CEP170: variants seen among roughly 807,000 people sequenced by gnomAD.
CEP170 encodes centrosomal protein of 170 kDa.
A neutral mutation model predicts 151.9 loss-of-function variants in CEP170; 21 were observed. The ratio of observed to expected loss-of-function variants is 0.14; its 90% CI spans 0.10 to 0.20. The LOEUF is 0.20. CEP170 is among the 10% of genes least tolerant of loss of function. CEP170 has a pLI of 1.00. For missense variants in CEP170, 964 were observed against 1,892.9 expected (o/e 0.51, Z 9.11); for synonymous variants, 356 against 648.8 (o/e 0.55, Z 6.86).
chr1:243,126,533 A>C lies in CEP170; in HGVS notation c.4671T>G (p.Asn1557Lys). ...TACTGAAATCAGCCTCAGATTCAGC[A>C]TTCTCAAATTCAGCTGCGGCTGAAA... ...AAVSAAAEFE[N>K]AESEADFSIH... The change falls in exon 20 of 20, where the codon AAT (asparagine) becomes AAG (lysine). Residue 1557 changes from asparagine (N) to lysine (K), a missense_variant. Asn to Lys is a moderately conservative substitution (Grantham distance 94, BLOSUM62 0). Coordinates refer to ENST00000366542, the MANE Select transcript of CEP170 (RefSeq NM_014812.3). 3 of 1,600,052 alleles carry C rather than the reference A, an allele frequency of 1.9e-6. No homozygotes were observed. Among genetic ancestry groups the C allele is most frequent in the Non-Finnish European group, 1.7e-6 (2 of 1,172,392 alleles).
intron 7 of CEP170, among the ~76,000 whole-genome samples, chr1:243,197,861 GA>G (rs2060763040): frequency 6.6e-6 from 1 of 152,026 alleles, no homozygotes. Context: ...GCATGGGCAT[GA>G]AGAAAACTGC....
intron 1 of CEP170, among the ~76,000 whole-genome samples, chr1:243,240,930 T>A (rs1428015091): frequency 6.6e-6 from 1 of 152,186 alleles, no homozygotes; most frequent in African/African-American, 2.4e-5. Flanking sequence ...TAACCTCAGA[T>A]GATCCTCCCG....
intron 14 of CEP170, among the ~76,000 whole-genome samples, chr1:243,145,085 T>C (rs567515915): frequency 1.1e-4 from 16 of 152,276 alleles, no homozygotes; most frequent in African/African-American, 3.9e-4. Context: ...AAAAAATAAT[T>C]GTACATTTGG....
chr1:243,188,804 T>G (rs560731586), intron 8 of CEP170, among the ~76,000 whole-genome samples: 139 of 152,348 alleles, frequency 9.1e-4, no homozygotes, highest in African/African-American at 3.2e-3. Context: ...TTTGTAAAAT[T>G]TTTATTATTT....
chr1:243,214,611 A>G (rs1197700079), intron 3 of CEP170, among the ~76,000 whole-genome samples: 1 of 133,828 alleles, frequency 7.5e-6, no homozygotes, highest in South Asian at 2.4e-4. Flanking sequence ...CTGTGTTTTG[A>G]CCATGCAAGA....
chr1:243,142,783 T>C (rs1350230549), intron 14 of CEP170, among the ~76,000 whole-genome samples: 1 of 152,134 alleles, frequency 6.6e-6, no homozygotes, highest in East Asian at 1.9e-4. Context: ...TGGGGAATAA[T>C]GGATAGAATT....
intron 1 of CEP170, among the ~76,000 whole-genome samples, chr1:243,240,138 C>T (rs1203985499): frequency 1.3e-5 from 2 of 152,128 alleles, no homozygotes; most frequent in Non-Finnish European, 2.9e-5. Flanking sequence ...TGGTGAAACC[C>T]TGTTTCTACT....
intron 14 of CEP170, among the ~76,000 whole-genome samples, chr1:243,145,306 C>CA (rs2056334458): frequency 2.0e-5 from 3 of 152,176 alleles, no homozygotes; most frequent in African/African-American, 7.2e-5. Flanking sequence ...GGTGGACTCT[C>CA]ACTCTGTTGC....
chr1:243,139,599 T>C (rs2055583196), intron 16 of CEP170, among the ~76,000 whole-genome samples: 1 of 152,174 alleles, frequency 6.6e-6, no homozygotes, highest in African/African-American at 2.4e-5. Flanking sequence ...TCTTAAGAAA[T>C]CACTCCCTAG....
chr1:243,162,098 G>T (rs1024707273), intron 13 of CEP170, among the ~76,000 whole-genome samples: 4 of 152,148 alleles, frequency 2.6e-5, no homozygotes, highest in Non-Finnish European at 5.9e-5. Context: ...GTGGAATAGA[G>T]AATATAAACT....
chr1:243,222,756 C>T (rs892231750), intron 2 of CEP170, among the ~76,000 whole-genome samples: 2 of 152,168 alleles, frequency 1.3e-5, no homozygotes, highest in Non-Finnish European at 2.9e-5. Context: ...AAACCAAAAA[C>T]TCATCTTAGT....
intron 13 of CEP170, among the ~76,000 whole-genome samples, chr1:243,158,320 A>C (rs1288554602): frequency 6.6e-6 from 1 of 152,246 alleles, no homozygotes; most frequent in Non-Finnish European, 1.5e-5. Flanking sequence ...ATCATTTGTT[A>C]CATCAAATGT....
At chr1:243,253,499 G>A (rs2066145090) in intron 1 of CEP170, among the ~76,000 whole-genome samples, 1 of 152,170 alleles carries the variant, frequency 6.6e-6, no homozygotes, top group Non-Finnish European at 1.5e-5. Flanking sequence ...GTGCACTTGG[G>A]CTCTTCCGTG....
intron 14 of CEP170, among the ~76,000 whole-genome samples, chr1:243,147,823 C>T (rs1231969586): frequency 2.0e-5 from 3 of 152,042 alleles, no homozygotes; most frequent in African/African-American, 7.2e-5. Context: ...TAAAAATTTT[C>T]AATTTGGAAT....
chr1:243,206,939 G>A (rs1238155339), intron 4 of CEP170, among the ~76,000 whole-genome samples: 1 of 152,022 alleles, frequency 6.6e-6, no homozygotes. Flanking sequence ...CGGCAAATAA[G>A]CCAACAAAGG....
intron 16 of CEP170, among the ~76,000 whole-genome samples, chr1:243,139,156 C>G (rs969281675): frequency 1.3e-5 from 2 of 150,424 alleles, no homozygotes; most frequent in African/African-American, 4.9e-5. Flanking sequence ...GGCTGGAGTG[C>G]AGTGGTGTGG....
At chr1:243,251,119 A>C (rs1309633562) in intron 1 of CEP170, among the ~76,000 whole-genome samples, 1 of 152,214 alleles carries the variant, frequency 6.6e-6, no homozygotes, top group Non-Finnish European at 1.5e-5. Context: ...AGTGGGAAGA[A>C]GTTATATAGT....
chr1:243,250,379 G>A (rs993378343), intron 1 of CEP170, among the ~76,000 whole-genome samples: 14 of 152,280 alleles, frequency 9.2e-5, no homozygotes, highest in Admixed American at 3.3e-4. Flanking sequence ...CTACGTTCAC[G>A]GAGATGAAAT....
intron 7 of CEP170, among the ~76,000 whole-genome samples, chr1:243,197,633 A>T (rs530646349): frequency 3.3e-5 from 5 of 152,074 alleles, no homozygotes; most frequent in Admixed American, 2.6e-4. Flanking sequence ...CAGGCAGCCT[A>T]TGAGAGTGAG....
Sources: gnomAD v4.1 joint callset for allele counts (sites outside exome capture counted in the v4.1 genomes callset) on GRCh38, gnomAD v4.1.1 for gene constraint, MANE v1.5 for transcripts, NCBI Gene and HGNC (gene_info 2026-07-23, HGNC 2026-07-21) for gene names.